The following HGF variants were observed in gnomAD, a reference collection of about 807,000 sequenced individuals.
The protein encoded by HGF is fibroblast-derived tumor cytotoxic factor.
HGF carries 39 observed loss-of-function variants against 111.6 expected under a neutral mutation model. The observed-to-expected ratio is 0.35, with a 90% CI of 0.27 to 0.46. The LOEUF is 0.46. HGF is among the 20% of genes least tolerant of loss of function. HGF has a pLI of 1.00. For synonymous variants in HGF, 285 were observed against 294.8 expected (o/e 0.97, Z 0.34); for missense variants, 735 against 910.5 (o/e 0.81, Z 2.48).
chr7:81,730,683 C>T (rs1374160895), intron 7 of HGF, among the ~76,000 whole-genome samples: 2 of 152,112 alleles, frequency 1.3e-5, no homozygotes, highest in Non-Finnish European at 2.9e-5. Context: ...TGGTCTCTCT[C>T]TCTCTCTGTA....
intron 7 of HGF, 55 bp downstream of exon 7, chr7:81,743,295 CCTG>C (rs1788083307): frequency 2.1e-6 from 2 of 965,348 alleles, no homozygotes; most frequent in African/African-American, 1.6e-5. Flanking sequence ...CTAATAATCG[CCTG>C]CTTAGATCCA....
At chr7:81,723,909 T>C (rs1224437353) in intron 9 of HGF, among the ~76,000 whole-genome samples, 2 of 151,688 alleles carry the variant, frequency 1.3e-5, no homozygotes. Flanking sequence ...TAGATCTATC[T>C]GTAGATATAT....
chr7:81,764,845 C>T (rs1789280658), intron 1 of HGF, among the ~76,000 whole-genome samples: 1 of 151,916 alleles, frequency 6.6e-6, no homozygotes, highest in Non-Finnish European at 1.5e-5. Context: ...TTAAGAGTTT[C>T]TCTTTCCTTT....
chr7:81,754,385 C>T (rs1788657231), intron 4 of HGF, among the ~76,000 whole-genome samples: 1 of 151,816 alleles, frequency 6.6e-6, no homozygotes, highest in South Asian at 2.1e-4. Flanking sequence ...CACCGAAATA[C>T]ACAAAGTGAT....
rs2115798698 is a variant in HGF at position 81,710,207 on chromosome 7, C to T, written c.1481G>A (p.Arg494Gln). ...VISCAKTKQL[R>Q]VVNGIPTRTN... is the part of the protein sequence containing the mutation. ...TCGTGTTGGAATCCCATTTACAACT[C>T]GCAATTGTTTCGTTTTGGCACAAGA... Residue 494 changes from arginine (R) to glutamine (Q), a missense_variant, in exon 13 of 18, where the codon CGA (arginine) becomes CAA (glutamine). This residue lies in a region of HGF where 553 missense variants were observed against 685.6 expected (regional missense o/e 0.81). Transcript: ENST00000222390. 6.2e-7 allele frequency: 1 copy of T among 1,613,552 alleles called. No homozygotes were observed. Among genetic ancestry groups the T allele is most frequent in the Non-Finnish European group, 8.5e-7 (1 of 1,179,604 alleles).
chr7:81,710,166 T>C lies in HGF; in HGVS notation c.1522A>G (p.Met508Val). 1 of 1,608,708 alleles carries C rather than the reference T, an allele frequency of 6.2e-7. No homozygotes were observed. The highest frequency in any genetic ancestry group is 8.5e-7 in the Non-Finnish European group (1 of 1,175,220). Residue 508 changes from methionine (M) to valine (V), a missense_variant, in exon 13 of 18, where the codon ATG becomes GTG. Met to Val is a conservative substitution (Grantham distance 21). Transcript: ENST00000222390. ...AATTACCTGTATCTCAAACTAACCA[T>C]CCATCCTATGTTTGTTCGTGTTGGA... is the stretch of plus-strand genomic sequence containing the variant. ...GIPTRTNIGW[M>V]VSLRYRNKHI...
intron 1 of HGF, among the ~76,000 whole-genome samples, chr7:81,765,418 C>T (rs1009689961): frequency 1.3e-5 from 2 of 152,004 alleles, no homozygotes; most frequent in Non-Finnish European, 2.9e-5. Flanking sequence ...ATCTAAAGAT[C>T]GAAAAGCATT....
intron 11 of HGF, among the ~76,000 whole-genome samples, chr7:81,712,071 C>T (rs1002511648): frequency 6.6e-6 from 1 of 151,940 alleles, no homozygotes; most frequent in Non-Finnish European, 1.5e-5. Flanking sequence ...TGAGCAGAGC[C>T]CTATTTTATG....
chr7:81,747,472 T>G (rs1195207160), intron 5 of HGF, among the ~76,000 whole-genome samples: 3 of 152,102 alleles, frequency 2.0e-5, no homozygotes, highest in Admixed American at 2.0e-4. Flanking sequence ...ATCAGAAGCA[T>G]AAGTATACTA....
At chr7:81,721,369 C>A (rs1789858127) in intron 9 of HGF, among the ~76,000 whole-genome samples, 1 of 152,132 alleles carries the variant, frequency 6.6e-6, no homozygotes, top group Non-Finnish European at 1.5e-5. Context: ...AGGGCTTATG[C>A]AAATTCAAAT....
At chr7:81,729,816 T>C (rs1272485917) in intron 7 of HGF, 37 bp from the exon 8 acceptor site, 1 of 1,600,228 alleles carries the variant, frequency 6.2e-7, no homozygotes, top group Admixed American at 1.7e-5. Context: ...AAAACTTATA[T>C]AAAATCTTTG....
At chr7:81,755,997 T>C (rs1788750169) in intron 4 of HGF, 1 of 701,714 alleles carries the variant, frequency 1.4e-6, no homozygotes, top group East Asian at 2.7e-5. Flanking sequence ...AGAATCATCT[T>C]GCAGAATTGT....
At chr7:81,711,231 T>C (rs1270081168) in intron 12 of HGF, among the ~76,000 whole-genome samples, 1 of 152,202 alleles carries the variant, frequency 6.6e-6, no homozygotes, top group East Asian at 1.9e-4. Context: ...AACACTCTTT[T>C]CGAAATCACA....
At chr7:81,716,456 C>G (rs1789715056) in intron 11 of HGF, among the ~76,000 whole-genome samples, 1 of 152,094 alleles carries the variant, frequency 6.6e-6, no homozygotes. Flanking sequence ...ATTTTATTTG[C>G]CAACCTGACA....
chr7:81,742,981 A>G (rs1336418866), intron 7 of HGF: 1 of 1,605,610 alleles, frequency 6.2e-7, no homozygotes, highest in East Asian at 2.2e-5. Flanking sequence ...AGGATACAGG[A>G]TTGGAAGGTA....
Position 81,769,985 on chromosome 7 carries a change from G to C in HGF, c.-14C>G, listed in dbSNP as rs201598927. The C allele has an allele frequency of 6.5e-7, 1 of 1,548,188 alleles. No homozygotes were observed. The highest frequency in any genetic ancestry group is 2.0e-5 in the Admixed American group (1 of 51,130). On this transcript the variant is annotated 5_prime_UTR_variant, in exon 1 of 18. Coordinates refer to ENST00000222390, the MANE Select transcript of HGF (RefSeq NM_000601.6). ...GGTCACCCACATGGTGCTGCTGGAC[G>C]GGCTGGCGGATCCCTCTGGAGGAGA... is the stretch of plus-strand genomic sequence containing the variant.
At chr7:81,763,625 C>T (rs560576965) in intron 1 of HGF, among the ~76,000 whole-genome samples, 16 of 152,120 alleles carry the variant, frequency 1.1e-4, no homozygotes, top group African/African-American at 3.6e-4. Flanking sequence ...TTCTAAAAGA[C>T]CTAATCTTAT....
chr7:81,727,585 A>AT (rs1790051998), intron 8 of HGF, among the ~76,000 whole-genome samples: 1 of 151,590 alleles, frequency 6.6e-6, no homozygotes, highest in Non-Finnish European at 1.5e-5. Context: ...CATTTTTAAA[A>AT]AAAATCTATG....
In HGF at chr7:81,709,248, A is replaced by G. The variant is rs183387622; in HGVS notation, c.1541+899T>C. On this transcript the variant is annotated intron_variant, in intron 13 of 17. Transcript: ENST00000222390. Reference sequence around the variant, plus strand: ...ATAAAACATGGAGGAAGAAAGCCACAGTGTGTTGTGGGAACAACAGCATAA... The same window carrying G: ...ATAAAACATGGAGGAAGAAAGCCACGGTGTGTTGTGGGAACAACAGCATAA... Among the ~76,000 whole-genome samples, 578 of 152,304 alleles carry G rather than the reference A, an allele frequency of 3.8e-3. 5 individuals are homozygous for G. Among genetic ancestry groups the G allele is most frequent in the Non-Finnish European group, 4.1e-3 (280 of 68,020 alleles).
Sources: gnomAD v4.1 joint callset for allele counts (sites outside exome capture counted in the v4.1 genomes callset) on GRCh38, gnomAD v4.1.1 for gene constraint, gnomAD v4.1.1 regional missense constraint, MANE v1.5 for transcripts, NCBI Gene and HGNC (gene_info 2026-07-23, HGNC 2026-07-21) for gene names.